The following KCNJ1 variants were observed in gnomAD, a reference collection of about 807,000 sequenced individuals.
The protein encoded by KCNJ1 is ATP-sensitive inward rectifier potassium channel 1.
A neutral mutation model predicts 21.9 loss-of-function variants in KCNJ1; 24 were observed. That is an observed-to-expected ratio of 1.10 (90% CI 0.79 to 1.54). The LOEUF is 1.54. Among genes scored for constraint, KCNJ1 ranks in the 40% most tolerant of loss-of-function variants. The pLI is 0.00. For missense variants in KCNJ1, 457 were observed against 455.4 expected (o/e 1.00, Z -0.03); for synonymous variants, 152 against 160.9 (o/e 0.94, Z 0.42).
intron 1 of KCNJ1, among the ~76,000 whole-genome samples, chr11:128,854,697 G>A (rs534602611): frequency 4.0e-4 from 61 of 152,262 alleles, no homozygotes; most frequent in South Asian, 2.3e-3. Flanking sequence ...TGTTCCTTGC[G>A]TACTTCCTGA....
Position 128,839,531 on chromosome 11 carries a change from T to C in KCNJ1, c.713A>G (p.Asn238Ser). 1 of 1,614,162 alleles carries C rather than the reference T, an allele frequency of 6.2e-7. No homozygotes were observed. Among genetic ancestry groups the C allele is most frequent in the Non-Finnish European group, 8.5e-7 (1 of 1,180,006 alleles). Residue 238 changes from asparagine (N) to serine (S), a missense_variant, in exon 3 of 3, where the codon AAT becomes AGT. Physicochemically the swap from Asn to Ser is conservative, Grantham distance 46 (BLOSUM62 1). Transcript: ENST00000392666. ...ININFVVDAG[N>S]ENLFFISPLT... ...TGGGGAGATGAAGAATAAATTTTCA[T>C]TCCCAGCGTCAACTACAAAGTTGAT...
intron 1 of KCNJ1, among the ~76,000 whole-genome samples, chr11:128,858,816 T>C (rs1400129491): frequency 6.6e-6 from 1 of 152,238 alleles, no homozygotes; most frequent in Non-Finnish European, 1.5e-5. Flanking sequence ...GGTTAGAATT[T>C]AGTCTACTAT....
intron 2 of KCNJ1, among the ~76,000 whole-genome samples, chr11:128,844,617 G>A (rs1456891246): frequency 6.6e-6 from 1 of 152,150 alleles, no homozygotes; most frequent in African/African-American, 2.4e-5. Context: ...GGGACCAACA[G>A]TTTGTGGTCC....
chr11:128,866,536 A>C (rs1943818713), intron 1 of KCNJ1: 1 of 978,486 alleles, frequency 1.0e-6, no homozygotes, highest in South Asian at 4.7e-5. Flanking sequence ...TTCAGAGCAG[A>C]GATAAACAGT....
Position 128,838,080 on chromosome 11 carries a change from G to C in KCNJ1, c.*1045C>G, listed in dbSNP as rs675759. On this transcript the variant is annotated 3_prime_UTR_variant, in exon 3 of 3. Coordinates refer to ENST00000392666, the MANE Select transcript of KCNJ1 (RefSeq NM_153766.3). ...CTGAAAACATTTTGATTCCTAAGCA[G>C]CTTTGAGTACCAGTTTTTTTCCAGG... 24,386 of 152,592 alleles carry C rather than the reference G, an allele frequency of 0.16. 2,019 individuals are homozygous for C. The highest frequency in any genetic ancestry group is 0.3 in the South Asian group (1,428 of 4,824). The allele number at this position is 152,592 out of a possible 1,614,324, so 9.5% of individuals were successfully genotyped here. A position where few individuals can be genotyped will look rare whatever the true frequency, so the allele number is the denominator to read the frequency against.
At chr11:128,854,249 G>T (rs1943539898) in intron 1 of KCNJ1, among the ~76,000 whole-genome samples, 1 of 152,212 alleles carries the variant, frequency 6.6e-6, no homozygotes, top group African/African-American at 2.4e-5. Context: ...TGGGAGCTCG[G>T]TTTCTTTTCT....
chr11:128,839,812 C>A lies in KCNJ1; in HGVS notation c.432G>T (p.Gln144His), dbSNP rs756682819. Residue 144 changes from glutamine (Q) to histidine (H), a missense_variant, in exon 3 of 3, where the codon CAG (glutamine) becomes CAT (histidine). Transcript: ENST00000392666. Reference sequence around the variant, plus strand: ...AATTGATTATAACTCCAAGTATAGACTGAAAGATAAGCAGAAAAATGGCAG... The same window carrying A: ...AATTGATTATAACTCCAAGTATAGAATGAAAGATAAGCAGAAAAATGGCAG... ...CATAIFLLIF[Q>H]SILGVIINSF... 2 of 1,614,096 alleles carry A rather than the reference C, an allele frequency of 1.2e-6. No individual in the cohort carries two copies. Among genetic ancestry groups the A allele is most frequent in the Non-Finnish European group, 1.7e-6 (2 of 1,180,010 alleles).
At chr11:128,849,287 C>T (rs1394404953) in intron 2 of KCNJ1, among the ~76,000 whole-genome samples, 1 of 152,238 alleles carries the variant, frequency 6.6e-6, no homozygotes, top group Admixed American at 6.5e-5. Flanking sequence ...GCATATGTAA[C>T]ACAGTTGGTA....
In KCNJ1 at chr11:128,840,096, A is replaced by C. The variant is rs748697666; in HGVS notation, c.148T>G (p.Trp50Gly). Reference protein sequence around the residue: ...QSRFIFFVDIWTTVLDLKWRY... With the variant: ...QSRFIFFVDIGTTVLDLKWRY... ...CACTTGAGGTCAAGTACCGTTGTCC[A>C]GATGTCCACAAAGAATATAAACCTT... The change falls in exon 3 of 3, where the codon TGG (tryptophan) becomes GGG (glycine). Residue 50 changes from tryptophan to glycine, a missense_variant. Coordinates refer to ENST00000392666, the MANE Select transcript of KCNJ1 (RefSeq NM_153766.3). 1 of 1,614,234 alleles carries C rather than the reference A, an allele frequency of 6.2e-7. No individual in the cohort carries two copies. Among genetic ancestry groups the C allele is most frequent in the South Asian group, 1.1e-5 (1 of 91,082 alleles).
intron 1 of KCNJ1, among the ~76,000 whole-genome samples, chr11:128,862,469 G>A (rs973328704): frequency 6.6e-6 from 1 of 152,202 alleles, no homozygotes; most frequent in Non-Finnish European, 1.5e-5. Context: ...GGAGTATTGG[G>A]AGAGGAAACA....
intron 1 of KCNJ1, among the ~76,000 whole-genome samples, chr11:128,853,697 G>A (rs549789024): frequency 6.6e-5 from 10 of 152,322 alleles, no homozygotes; most frequent in African/African-American, 2.4e-4. Context: ...AAACACACAT[G>A]TAAAGTGCCT....
intron 1 of KCNJ1, among the ~76,000 whole-genome samples, chr11:128,856,030 C>A (rs1943582170): frequency 6.6e-6 from 1 of 152,244 alleles, no homozygotes; most frequent in Admixed American, 6.5e-5. Flanking sequence ...TCCCTCCCCT[C>A]ATCCCCTCCT....
At chr11:128,852,906 C>T (rs1018561552) in intron 1 of KCNJ1, among the ~76,000 whole-genome samples, 13 of 152,260 alleles carry the variant, frequency 8.5e-5, no homozygotes, top group Admixed American at 6.5e-5. Context: ...TCACTGAGAC[C>T]GACCTCTCAG....
In KCNJ1 at chr11:128,850,761, A is replaced by C. The variant is rs924355094; in HGVS notation, c.-62T>G. 1.0e-6 allele frequency: 1 copy of C among 985,408 alleles called. No individual in the cohort carries two copies. The highest frequency in any genetic ancestry group is 1.2e-6 in the Non-Finnish European group (1 of 829,900). The allele number at this position is 985,408 out of a possible 1,614,324, so 61.0% of individuals were successfully genotyped here. ...TTCAGGAGATGATTTTCAAAACTTCATGTATAAGTAGATCTTGGGGTGACC... is the reference window on the plus strand; with the variant it reads ...TTCAGGAGATGATTTTCAAAACTTCCTGTATAAGTAGATCTTGGGGTGACC... On this transcript the variant is annotated 5_prime_UTR_variant, in exon 2 of 3. The change abolishes an upstream ATG in the 5' untranslated region. Transcript: ENST00000392666.
intron 2 of KCNJ1, among the ~76,000 whole-genome samples, chr11:128,842,930 T>A (rs1943312463): frequency 6.6e-6 from 1 of 152,154 alleles, no homozygotes; most frequent in Non-Finnish European, 1.5e-5. Flanking sequence ...AAGACAAAAG[T>A]AAGATCACAC....
At chr11:128,847,629 C>T (rs1186325798) in intron 2 of KCNJ1, among the ~76,000 whole-genome samples, 1 of 152,218 alleles carries the variant, frequency 6.6e-6, no homozygotes, top group Non-Finnish European at 1.5e-5. Flanking sequence ...TAACTATACT[C>T]TGACCACAAA....
intron 1 of KCNJ1, among the ~76,000 whole-genome samples, chr11:128,851,678 A>G (rs900318769): frequency 6.6e-6 from 1 of 152,012 alleles, no homozygotes; most frequent in African/African-American, 2.4e-5. Flanking sequence ...CCAGAAAGGA[A>G]TGGATTCCAT....
At chr11:128,865,199 C>T (rs1426460509) in intron 1 of KCNJ1, among the ~76,000 whole-genome samples, 1 of 152,166 alleles carries the variant, frequency 6.6e-6, no homozygotes, top group East Asian at 1.9e-4. Flanking sequence ...TAGGATCATG[C>T]TTCCATGAGG....
At chr11:128,862,058 C>T (rs1245185259) in intron 1 of KCNJ1, among the ~76,000 whole-genome samples, 1 of 152,158 alleles carries the variant, frequency 6.6e-6, no homozygotes, top group Non-Finnish European at 1.5e-5. Context: ...GTGCCTGGGT[C>T]GCACCGCTCA....
Sources: allele counts gnomAD v4.1 joint callset (sites outside exome capture counted in the v4.1 genomes callset), GRCh38; gene constraint gnomAD v4.1.1; transcripts MANE v1.5; gene names NCBI Gene and HGNC (gene_info 2026-07-23, HGNC 2026-07-21).